Variants in CLSTN1 observed in about 807,000 individuals in gnomAD.
CLSTN1 encodes the protein calsyntenin 1, also known as calsyntenin-1.
In CLSTN1, 28 loss-of-function variants were observed where a neutral mutation model predicts 108.3. The ratio of observed to expected loss-of-function variants is 0.26; its 90% CI spans 0.19 to 0.35. The LOEUF (loss-of-function observed/expected upper bound fraction) is 0.35. Among genes scored for constraint, CLSTN1 ranks in the 10% least tolerant of loss-of-function variants. The probability of loss-of-function intolerance (pLI) is 1.00; values close to 1 mark genes in which losing one functional copy is unlikely to be tolerated. For missense variants in CLSTN1, 1,157 were observed against 1,302.6 expected (o/e 0.89, Z 1.72); for synonymous variants, 524 against 534.9 (o/e 0.98, Z 0.28).
chr1:9,755,374 T>C, intron 3 of CLSTN1, 65 bp from the exon 4 acceptor site: 1 of 1,288,404 alleles, frequency 7.8e-7, no homozygotes, highest in Non-Finnish European at 1.1e-6. Context: ...CTTGCCCTCC[T>C]CCCCCCATCT....
intron 1 of CLSTN1, among the ~76,000 whole-genome samples, chr1:9,816,951 G>A (rs1439835581): frequency 2.0e-5 from 3 of 151,944 alleles, no homozygotes; most frequent in Non-Finnish European, 4.4e-5. Context: ...CCAGCCGGTG[G>A]TCCTCCTTTG....
chr1:9,757,960 T>C (rs1473820647), intron 2 of CLSTN1, among the ~76,000 whole-genome samples: 1 of 151,094 alleles, frequency 6.6e-6, no homozygotes, highest in Non-Finnish European at 1.5e-5. Context: ...TTTAAGGTTT[T>C]AAAAATGGTA....
intron 1 of CLSTN1, among the ~76,000 whole-genome samples, chr1:9,792,827 T>C (rs976019479): frequency 1.3e-5 from 2 of 151,246 alleles, no homozygotes; most frequent in African/African-American, 4.8e-5. Context: ...TCAAGCTCCG[T>C]ACCCTCAGGA....
intron 1 of CLSTN1, among the ~76,000 whole-genome samples, chr1:9,794,396 C>A (rs1179007612): frequency 1.3e-5 from 2 of 151,502 alleles, no homozygotes; most frequent in East Asian, 3.9e-4. Flanking sequence ...GCAACCTCCT[C>A]CTCCCAGGCT....
In CLSTN1 at chr1:9,802,702, C is replaced by T. The variant is rs546390094; in HGVS notation, c.91+20941G>A. ...CTGAACTACGAAAATATCACACTGA[C>T]GACAATGGCAACTTCACTTGTTTCC... is the stretch of plus-strand genomic sequence containing the variant. On this transcript the variant is annotated intron_variant, in intron 1 of 18. Coordinates refer to ENST00000377298, the MANE Select transcript of CLSTN1 (RefSeq NM_001009566.3). 8.5e-5 allele frequency among the ~76,000 whole-genome samples: 13 copies of T among 152,160 alleles called. No homozygotes were observed. The South Asian group carries it at 2.5e-3, about 29-fold the overall frequency.
rs556606203 is a variant in CLSTN1, at chr1:9,809,289, A to G, written c.91+14354T>C. Among the ~76,000 whole-genome samples, 29 of 152,308 alleles carry G rather than the reference A, an allele frequency of 1.9e-4. No homozygotes were observed. In the South Asian group the frequency reaches 6.0e-3, roughly 32 times the overall value. On this transcript the variant is annotated intron_variant, in intron 1 of 18. Coordinates refer to ENST00000377298, the MANE Select transcript of CLSTN1 (RefSeq NM_001009566.3). ...CTCTGAAGCGCCCGCCCAAATGCGG[A>G]TCTGCCTTACTCGCCTGATGGTCTG...
intron 2 of CLSTN1, among the ~76,000 whole-genome samples, chr1:9,769,215 T>TC (rs900686012): frequency 1.3e-5 from 2 of 150,504 alleles, no homozygotes; most frequent in Admixed American, 6.6e-5. Flanking sequence ...AGGTGCTCCC[T>TC]CCCCCCCATG....
chr1:9,762,159 G>A (rs1344467217), intron 2 of CLSTN1, among the ~76,000 whole-genome samples: 1 of 152,124 alleles, frequency 6.6e-6, no homozygotes, highest in Non-Finnish European at 1.5e-5. Context: ...CGGATCACGG[G>A]GCTGTAAAGA....
chr1:9,758,272 C>A (rs1480001711), intron 2 of CLSTN1, among the ~76,000 whole-genome samples: 1 of 151,614 alleles, frequency 6.6e-6, no homozygotes, highest in Non-Finnish European at 1.5e-5. Flanking sequence ...GGATTACAGG[C>A]GTGAGCCACT....
At chr1:9,764,637 T>TAAAAA (rs70998307) in intron 2 of CLSTN1, among the ~76,000 whole-genome samples, 2 of 82,330 alleles carry the variant, frequency 2.4e-5, no homozygotes, top group African/African-American at 4.7e-5. Context: ...GCTCCATCTT[T>TAAAAA]AAAAAAAAAA....
rs1016075345 is a variant in CLSTN1, at chr1:9,734,147, A to C, written c.2111-5T>G. The C allele has an allele frequency of 6.2e-7, 1 of 1,613,654 alleles. No individual in the cohort carries two copies. The highest frequency in any genetic ancestry group is 8.5e-7 in the Non-Finnish European group (1 of 1,179,832). On this transcript the variant is annotated splice_region_variant and splice_polypyrimidine_tract_variant and intron_variant, in intron 14 of 18. Transcript: ENST00000377298. This position sits in a 1 kb window ranked among gnomAD's most constrained non-coding sequence, Gnocchi z 4.8. ...CGGACACCAGTGATTCTTGAACTGCAAAAGAGGCCCAACCAGAAATATTAA... is the reference window on the plus strand; with the variant it reads ...CGGACACCAGTGATTCTTGAACTGCCAAAGAGGCCCAACCAGAAATATTAA...
intron 1 of CLSTN1, among the ~76,000 whole-genome samples, chr1:9,801,152 A>G (rs1262951721): frequency 6.6e-6 from 1 of 151,976 alleles, no homozygotes; most frequent in Non-Finnish European, 1.5e-5. Context: ...AGGCTGAGGC[A>G]GGAGAATCAC....
At chr1:9,799,598 G>A (rs1173853486) in intron 1 of CLSTN1, among the ~76,000 whole-genome samples, 8 of 149,552 alleles carry the variant, frequency 5.3e-5, no homozygotes, top group Non-Finnish European at 8.9e-5. Flanking sequence ...CCGATATCGC[G>A]CCACTGCACT....
rs550799833 is a variant in CLSTN1, at chr1:9,779,036, AAAG to A, written c.92-5645_92-5643del. 5.9e-3 allele frequency among the ~76,000 whole-genome samples: 886 copies of A among 151,312 alleles called. 9 individuals carry two copies. The highest frequency in any genetic ancestry group is 0.018 in the African/African-American group (747 of 41,254). On this transcript the variant is annotated intron_variant, in intron 1 of 18. Coordinates refer to ENST00000377298, the MANE Select transcript of CLSTN1 (RefSeq NM_001009566.3). ...GAGACTTCGTCTCAAAAAAAAAAAA[AAAG>A]AAGAAGAAGAAGAAGAAGGCTGGCT... is the stretch of plus-strand genomic sequence containing the variant.
At chr1:9,788,624 T>C (rs1208752817) in intron 1 of CLSTN1, among the ~76,000 whole-genome samples, 1 of 150,760 alleles carries the variant, frequency 6.6e-6, no homozygotes, top group African/African-American at 2.4e-5. Context: ...TCCCAGCACT[T>C]TGGGAGGCCG....
intron 1 of CLSTN1, among the ~76,000 whole-genome samples, chr1:9,813,868 G>C (rs899846899): frequency 6.6e-6 from 1 of 152,110 alleles, no homozygotes; most frequent in African/African-American, 2.4e-5. Context: ...GGGAGGCCAA[G>C]GCGGGAGGAT....
chr1:9,741,926 C>A (rs1448114500), intron 9 of CLSTN1, among the ~76,000 whole-genome samples: 3 of 152,002 alleles, frequency 2.0e-5, no homozygotes, highest in African/African-American at 7.2e-5. Context: ...CCACCGCCGA[C>A]AAAAAAGTGC....
intron 2 of CLSTN1, among the ~76,000 whole-genome samples, chr1:9,763,535 T>C (rs1172785950): frequency 3.9e-5 from 6 of 152,114 alleles, no homozygotes; most frequent in African/African-American, 7.2e-5. Context: ...CATTGGGGGT[T>C]TGCAAACCTA....
intron 1 of CLSTN1, among the ~76,000 whole-genome samples, chr1:9,811,201 G>A (rs925885346): frequency 3.9e-5 from 6 of 152,082 alleles, no homozygotes; most frequent in African/African-American, 1.4e-4. Context: ...AGAAGGGAGG[G>A]GAAAGGCTAT....
Sources: gnomAD v4.1 joint callset for allele counts (sites outside exome capture counted in the v4.1 genomes callset) on GRCh38, gnomAD v4.1.1 for gene constraint, Gnocchi (gnomAD v3.1) non-coding constraint, MANE v1.5 for transcripts, NCBI Gene and HGNC (gene_info 2026-07-23, HGNC 2026-07-21) for gene names.